ACTN4: variants seen among roughly 807,000 people sequenced by gnomAD.
ACTN4 encodes the protein actinin alpha 4, also known as alpha-actinin-4.
A neutral mutation model predicts 114.2 loss-of-function variants in ACTN4; 18 were observed. That is an observed-to-expected ratio of 0.16 (90% confidence interval 0.11 to 0.23). The LOEUF is 0.23. Ranked by LOEUF, ACTN4 falls within the 10% of genes least tolerant of loss-of-function variation. ACTN4 has a pLI of 1.00. For missense variants in ACTN4, 722 were observed against 1,262.9 expected (o/e 0.57, Z 6.49); for synonymous variants, 515 against 506.3 (o/e 1.02, Z -0.23).
intron 8 of ACTN4, among the ~76,000 whole-genome samples, chr19:38,713,028 G>A (rs1454744266): frequency 1.3e-5 from 2 of 152,152 alleles, no homozygotes; most frequent in African/African-American, 4.8e-5. Flanking sequence ...GGGTCCCTGT[G>A]TGCTCCTCAG....
chr19:38,709,030 C>T (rs942649706), intron 6 of ACTN4, among the ~76,000 whole-genome samples: 2 of 152,162 alleles, frequency 1.3e-5, no homozygotes, highest in African/African-American at 4.8e-5. Context: ...TTACCCAGTC[C>T]CCAGTGCTCT....
rs533178839 is a variant in ACTN4, at chr19:38,729,858, C to T, written c.*426C>T. On this transcript the variant is annotated 3_prime_UTR_variant, in exon 21 of 21. Coordinates refer to ENST00000252699, the MANE Select transcript of ACTN4 (RefSeq NM_004924.6). The stretch of plus-strand genomic sequence containing the variant: ...TTGTCCAGGAACTGCCTGGGCCATG[C>T]GAGGGGCCAGCAGAGGGCGCCACCA... The T allele has an allele frequency of 8.6e-4, 314 of 366,446 alleles. 3 individuals are homozygous for T. The highest frequency in any genetic ancestry group is 8.7e-4 in the African/African-American group (41 of 47,132). 22.7% of individuals were successfully genotyped at this position (366,446 alleles called of 1,614,324 possible).
intron 3 of ACTN4, among the ~76,000 whole-genome samples, chr19:38,702,893 G>C (rs1404999668): frequency 7.9e-5 from 12 of 152,204 alleles, no homozygotes; most frequent in Admixed American, 7.9e-4. Context: ...TCTGCTCAGA[G>C]GTCAGTGAGC....
intron 16 of ACTN4, among the ~76,000 whole-genome samples, chr19:38,725,457 G>A (rs1446045626): frequency 6.6e-6 from 1 of 152,222 alleles, no homozygotes; most frequent in Non-Finnish European, 1.5e-5. Context: ...TCACAGAGAG[G>A]TCAAGGGTAA....
chr19:38,649,229 A>G (rs986428147), intron 1 of ACTN4, among the ~76,000 whole-genome samples: 1 of 127,140 alleles, frequency 7.9e-6, no homozygotes. Context: ...TGAAAAGGTG[A>G]TCAGAAGTGG....
intron 1 of ACTN4, among the ~76,000 whole-genome samples, chr19:38,660,336 G>A (rs1280611705): frequency 6.6e-6 from 1 of 152,090 alleles, no homozygotes; most frequent in Non-Finnish European, 1.5e-5. Context: ...ATAACAGCTA[G>A]CATTTTACCT....
At chr19:38,704,426 G>A (rs1968385141) in intron 3 of ACTN4, among the ~76,000 whole-genome samples, 1 of 152,256 alleles carries the variant, frequency 6.6e-6, no homozygotes, top group Admixed American at 6.5e-5. Flanking sequence ...TCGGCAGTAG[G>A]ATTGGAAGGA....
At chr19:38,715,622 C>G (rs1256812924) in intron 9 of ACTN4, among the ~76,000 whole-genome samples, 1 of 152,186 alleles carries the variant, frequency 6.6e-6, no homozygotes, top group Non-Finnish European at 1.5e-5. Flanking sequence ...GATGTCCAAC[C>G]TAAGAGGGCC....
chr19:38,708,962 A>G (rs913272197), intron 6 of ACTN4, among the ~76,000 whole-genome samples: 1 of 151,980 alleles, frequency 6.6e-6, no homozygotes, highest in African/African-American at 2.4e-5. Context: ...GGAGCCTGTG[A>G]GGGGGCTGGG....
chr19:38,691,457 G>A (rs1009006179), intron 1 of ACTN4, among the ~76,000 whole-genome samples: 2 of 150,654 alleles, frequency 1.3e-5, no homozygotes, highest in East Asian at 3.9e-4. Context: ...AGAGTGGAGT[G>A]ATAGCCTAGG....
intron 1 of ACTN4, among the ~76,000 whole-genome samples, chr19:38,672,180 A>C (rs1465405796): frequency 6.6e-6 from 1 of 151,364 alleles, no homozygotes; most frequent in African/African-American, 2.4e-5. Context: ...GGGAGTTCTC[A>C]TAGTGGGCTT....
chr19:38,684,796 T>G (rs1437414385), intron 1 of ACTN4, among the ~76,000 whole-genome samples: 1 of 152,160 alleles, frequency 6.6e-6, no homozygotes, highest in Non-Finnish European at 1.5e-5. Flanking sequence ...CATGGTCAGG[T>G]TTTTCTTTTT....
intron 9 of ACTN4, 28 bp downstream of exon 9, chr19:38,714,589 G>T: frequency 1.2e-6 from 2 of 1,607,696 alleles, no homozygotes; most frequent in Non-Finnish European, 8.5e-7. Context: ...GAAAGTCAGG[G>T]CCACCTCATT....
intron 1 of ACTN4, among the ~76,000 whole-genome samples, chr19:38,672,566 CTTTGTTTG>C (rs556438140): frequency 2.7e-5 from 4 of 150,700 alleles, no homozygotes; most frequent in Admixed American, 1.3e-4. Context: ...GATCTATGTT[CTTTGTTTG>C]TTTGTTTGTT....
intron 1 of ACTN4, among the ~76,000 whole-genome samples, chr19:38,685,050 A>G (rs1353186045): frequency 1.3e-5 from 2 of 152,046 alleles, no homozygotes; most frequent in Non-Finnish European, 2.9e-5. Flanking sequence ...GGTTCAAGCG[A>G]TTCTCCTGCC....
chr19:38,712,641 A>G (rs756023903), intron 8 of ACTN4, among the ~76,000 whole-genome samples: 107 of 151,842 alleles, frequency 7.0e-4, no homozygotes, highest in Non-Finnish European at 1.3e-3. Flanking sequence ...AGGAGGGTGG[A>G]GGGAGGACCC....
chr19:38,704,596 G>A (rs1471622889), intron 3 of ACTN4, among the ~76,000 whole-genome samples: 4 of 152,268 alleles, frequency 2.6e-5, no homozygotes, highest in Non-Finnish European at 5.9e-5. Context: ...AGAGTTGAGA[G>A]AGGTGTGAAC....
At chr19:38,656,460 G>A (rs111881366) in intron 1 of ACTN4, among the ~76,000 whole-genome samples, 7 of 152,146 alleles carry the variant, frequency 4.6e-5, no homozygotes, top group African/African-American at 1.4e-4. Flanking sequence ...CCCCTTCATC[G>A]GATTTGAACC....
At chr19:38,687,082 G>T (rs545132269) in intron 1 of ACTN4, among the ~76,000 whole-genome samples, 1 of 151,444 alleles carries the variant, frequency 6.6e-6, no homozygotes, top group Non-Finnish European at 1.5e-5. Context: ...TCTTGCCTCA[G>T]CCTCCTGAGT....
Sources: allele counts gnomAD v4.1 joint callset (sites outside exome capture counted in the v4.1 genomes callset), GRCh38; gene constraint gnomAD v4.1.1; transcripts MANE v1.5; gene names NCBI Gene and HGNC (gene_info 2026-07-23, HGNC 2026-07-21).